STAU2: variants seen among roughly 807,000 people sequenced by gnomAD.
The protein encoded by STAU2 is double-stranded RNA-binding protein Staufen homolog 2.
Under a neutral mutation model 65.9 loss-of-function variants are expected in STAU2, and 20 were observed. The observed-to-expected ratio is 0.30, with a 90% CI of 0.21 to 0.44. STAU2 has a LOEUF of 0.44. Among genes scored for constraint, STAU2 ranks in the 20% least tolerant of loss-of-function variants. The pLI is 1.00. For missense variants in STAU2, 558 were observed against 683.9 expected (o/e 0.82, Z 2.05); for synonymous variants, 232 against 233.9 (o/e 0.99, Z 0.07).
chr8:73,707,145 G>C (rs531898434), intron 4 of STAU2, among the ~76,000 whole-genome samples: 1 of 152,174 alleles, frequency 6.6e-6, no homozygotes, highest in Non-Finnish European at 1.5e-5. Context: ...TGGAGGAGCT[G>C]GGCAAGTCAG....
intron 6 of STAU2, among the ~76,000 whole-genome samples, chr8:73,659,613 C>T (rs567219616): frequency 2.8e-3 from 425 of 152,108 alleles, no homozygotes; most frequent in Non-Finnish European, 3.4e-3. Context: ...ATAAACATTG[C>T]TAAGCAAGAT....
chr8:73,422,567 A>T lies in STAU2; in HGVS notation c.1619+47T>A, dbSNP rs551223891. On this transcript the variant is annotated intron_variant, in intron 14 of 14. Coordinates refer to ENST00000524300, the MANE Select transcript of STAU2 (RefSeq NM_001164380.2). ...TTATTATCTATGTCTTATCTTTTGT[A>T]CAGTTACAATTAAAAGTGTAAGAAT... 5.0e-4 allele frequency: 697 copies of T among 1,380,668 alleles called. 8 individuals carry two copies. The South Asian group carries it at 9.4e-3, about 19-fold the overall frequency. The allele number at this position is 1,380,668 out of a possible 1,614,324, so 85.5% of individuals were successfully genotyped here. A position where few individuals can be genotyped will look rare whatever the true frequency, so the allele number is the denominator to read the frequency against.
chr8:73,451,456 A>G (rs937479139), intron 13 of STAU2, among the ~76,000 whole-genome samples: 2 of 152,084 alleles, frequency 1.3e-5, no homozygotes, highest in Non-Finnish European at 2.9e-5. Context: ...GGCTGGGTAT[A>G]AAGACAGATG....
intron 6 of STAU2, among the ~76,000 whole-genome samples, chr8:73,671,045 A>T (rs1360388068): frequency 1.3e-5 from 2 of 152,168 alleles, no homozygotes; most frequent in Admixed American, 6.5e-5. Context: ...AAAAATCAGC[A>T]AATTAAAATA....
chr8:73,620,420 G>A (rs759846579), intron 6 of STAU2, among the ~76,000 whole-genome samples: 1 of 152,204 alleles, frequency 6.6e-6, no homozygotes, highest in Non-Finnish European at 1.5e-5. Context: ...AATCACTAAG[G>A]CCTGCTGACA....
chr8:73,738,265 T>A lies in STAU2; in HGVS notation c.-18+19A>T. ...CAAAGCACCATGTAAGCATGAAAAATGCCTTAACACAAACTCACCTGATTT... is the reference window on the plus strand; with the variant it reads ...CAAAGCACCATGTAAGCATGAAAAAAGCCTTAACACAAACTCACCTGATTT... On this transcript the variant is annotated intron_variant, in intron 3 of 14. Coordinates refer to ENST00000524300, the MANE Select transcript of STAU2 (RefSeq NM_001164380.2). 1 of 1,607,356 alleles carries A rather than the reference T, an allele frequency of 6.2e-7. No homozygotes were observed. The highest frequency in any genetic ancestry group is 1.7e-5 in the Admixed American group (1 of 59,388).
At chr8:73,547,538 CT>C (rs1231556480) in intron 13 of STAU2, among the ~76,000 whole-genome samples, 1 of 152,096 alleles carries the variant, frequency 6.6e-6, no homozygotes, top group East Asian at 1.9e-4. Flanking sequence ...AATAACAAAC[CT>C]GAGTGTTAAT....
intron 13 of STAU2, among the ~76,000 whole-genome samples, chr8:73,505,696 C>T (rs1822020294): frequency 6.6e-6 from 1 of 152,126 alleles, no homozygotes; most frequent in African/African-American, 2.4e-5. Flanking sequence ...TAGAAAACTA[C>T]TTCTTAACTG....
intron 13 of STAU2, among the ~76,000 whole-genome samples, chr8:73,547,853 G>C (rs1807041773): frequency 6.6e-6 from 1 of 151,698 alleles, no homozygotes; most frequent in Non-Finnish European, 1.5e-5. Context: ...CACACAGTTG[G>C]GCCCTCCATA....
At chr8:73,592,279 T>C (rs1390484515) in intron 11 of STAU2, among the ~76,000 whole-genome samples, 3 of 152,066 alleles carry the variant, frequency 2.0e-5, no homozygotes, top group Non-Finnish European at 4.4e-5. Context: ...GTGAGTATCA[T>C]TACAGATTCT....
chr8:73,702,873 T>G (rs556629200), intron 4 of STAU2, among the ~76,000 whole-genome samples: 4 of 152,092 alleles, frequency 2.6e-5, no homozygotes, highest in Non-Finnish European at 5.9e-5. Flanking sequence ...TGGCTAAAAT[T>G]AGAAAGGCTG....
intron 13 of STAU2, chr8:73,438,944 G>C: frequency 2.2e-6 from 1 of 456,714 alleles, no homozygotes; most frequent in African/African-American, 2.0e-5. Context: ...GGACACATTT[G>C]GACCTGACCT....
chr8:73,624,867 CAA>C (rs1813524537), intron 6 of STAU2, among the ~76,000 whole-genome samples: 1 of 152,184 alleles, frequency 6.6e-6, no homozygotes, highest in Non-Finnish European at 1.5e-5. Flanking sequence ...TATCAGCTGC[CAA>C]AGGCAATGAT....
intron 6 of STAU2, among the ~76,000 whole-genome samples, chr8:73,636,286 G>A (rs751037010): frequency 6.6e-6 from 1 of 151,640 alleles, no homozygotes; most frequent in East Asian, 2.0e-4. Flanking sequence ...CGGAGGTGGG[G>A]GGATCACCTG....
chr8:73,610,512 T>C (rs1218345365), intron 9 of STAU2, among the ~76,000 whole-genome samples: 1 of 144,066 alleles, frequency 6.9e-6, no homozygotes, highest in Non-Finnish European at 1.5e-5. Context: ...GCACTCCAGC[T>C]TGGGAGACAG....
At chr8:73,685,394 T>C (rs1303640196) in intron 5 of STAU2, among the ~76,000 whole-genome samples, 3 of 151,594 alleles carry the variant, frequency 2.0e-5, no homozygotes, top group African/African-American at 7.2e-5. Flanking sequence ...TTTTTTTTTT[T>C]TGAGATGGAG....
At chr8:73,592,056 C>T (rs562035797) in intron 11 of STAU2, among the ~76,000 whole-genome samples, 25 of 150,924 alleles carry the variant, frequency 1.7e-4, no homozygotes, top group African/African-American at 6.1e-4. Context: ...TTCTACCTCA[C>T]AAAATTAGAA....
intron 13 of STAU2, among the ~76,000 whole-genome samples, chr8:73,471,452 T>G (rs1563612038): frequency 6.6e-6 from 1 of 150,526 alleles, no homozygotes; most frequent in Non-Finnish European, 1.5e-5. Context: ...CCTCCCAAAG[T>G]GCTGGGATTA....
At chr8:73,515,629 A>G (rs1260327018) in intron 13 of STAU2, among the ~76,000 whole-genome samples, 2 of 152,120 alleles carry the variant, frequency 1.3e-5, no homozygotes, top group African/African-American at 2.4e-5. Flanking sequence ...TCAGAGTTCA[A>G]ATTAAGTAGG....
Sources: gnomAD v4.1 joint callset for allele counts (sites outside exome capture counted in the v4.1 genomes callset) on GRCh38, gnomAD v4.1.1 for gene constraint, MANE v1.5 for transcripts, NCBI Gene and HGNC (gene_info 2026-07-23, HGNC 2026-07-21) for gene names.